ITGB5: variants seen among roughly 807,000 people sequenced by gnomAD.
ITGB5 encodes integrin beta-5.
A neutral mutation model predicts 84.8 loss-of-function variants in ITGB5; 38 were observed. The ratio of observed to expected loss-of-function variants is 0.45; its 90% CI spans 0.35 to 0.59. The LOEUF (loss-of-function observed/expected upper bound fraction) is 0.59. Among genes scored for constraint, ITGB5 ranks in the 20% least tolerant of loss-of-function variants. ITGB5 has a pLI of 0.01. For synonymous variants in ITGB5, 393 were observed against 414.4 expected (o/e 0.95, Z 0.63); for missense variants, 905 against 1,034.5 (o/e 0.87, Z 1.72).
chr3:124,861,533 G>C lies in ITGB5; in HGVS notation c.157-2087C>G, dbSNP rs867673773. 2.2e-3 allele frequency among the ~76,000 whole-genome samples: 147 copies of C among 67,866 alleles called. 2 individuals carry two copies. Among genetic ancestry groups the C allele is most frequent in the African/African-American group, 0.01 (137 of 13,406 alleles). The allele number at this position is 67,866 out of a possible 152,430, so 44.5% of individuals were successfully genotyped here. A position where few individuals can be genotyped will look rare whatever the true frequency, so the allele number is the denominator to read the frequency against. On this transcript the variant is annotated intron_variant, in intron 2 of 14. Transcript: ENST00000296181. ...ACACACACACACACACACACAGAGA[G>C]ATACACATATATATATTATTCTGGC...
At chr3:124,805,981 C>A (rs552742569) in intron 9 of ITGB5, among the ~76,000 whole-genome samples, 163 of 152,278 alleles carry the variant, frequency 1.1e-3, no homozygotes, top group African/African-American at 3.8e-3. Context: ...AGCTCTGCAG[C>A]CTTCCCACAT....
At chr3:124,805,107 TCCTTCCTTTC>T (rs1256748567) in intron 9 of ITGB5, among the ~76,000 whole-genome samples, 11 of 136,166 alleles carry the variant, frequency 8.1e-5, no homozygotes, top group African/African-American at 2.7e-4. Flanking sequence ...TCTCTCTCTC[TCCTTCCTTTC>T]CCTTCCTTTC....
intron 8 of ITGB5, 191 bp from the exon 9 acceptor site, chr3:124,809,347 G>T (rs540525165): frequency 5.1e-6 from 3 of 583,142 alleles, no homozygotes; most frequent in Non-Finnish European, 9.1e-6. Flanking sequence ...ACAACATCTT[G>T]CTAGACCCAG....
At chr3:124,887,871 C>A, upstream of ITGB5, 2 of 241,376 alleles carry the variant, frequency 8.3e-6, no homozygotes, top group South Asian at 3.8e-5. Flanking sequence ...CAAGGGAGGG[C>A]GTGGTGGGGC....
intron 13 of ITGB5, 76 bp downstream of exon 13, chr3:124,766,150 C>T (rs2063764394): frequency 2.7e-6 from 4 of 1,504,220 alleles, no homozygotes; most frequent in South Asian, 2.5e-5. Context: ...GGCAGTGGTC[C>T]CAGAGCAGAG....
intron 2 of ITGB5, among the ~76,000 whole-genome samples, chr3:124,860,739 C>T (rs1159412384): frequency 6.6e-6 from 1 of 152,174 alleles, no homozygotes; most frequent in Non-Finnish European, 1.5e-5. Flanking sequence ...CTTCCTCTTC[C>T]CTCTGGAACA....
chr3:124,896,673 A>G (rs1339543751), intron 1 of ITGB5, among the ~76,000 whole-genome samples: 1 of 148,624 alleles, frequency 6.7e-6, no homozygotes, highest in Admixed American at 6.8e-5. Flanking sequence ...TAAGCCCAGG[A>G]GTTCGAGGTT....
At chr3:124,900,058 A>G (rs1245537640) in intron 1 of ITGB5, among the ~76,000 whole-genome samples, 1 of 152,046 alleles carries the variant, frequency 6.6e-6, no homozygotes, top group South Asian at 2.1e-4. Context: ...TTCATCCACC[A>G]CTCTATTTGC....
chr3:124,821,337 G>A lies in ITGB5; in HGVS notation c.918C>T (p.Asn306=), dbSNP rs149570030. 2.4e-5 allele frequency: 39 copies of A among 1,613,842 alleles called. No homozygotes were observed. The highest frequency in any genetic ancestry group is 1.1e-4 in the East Asian group (5 of 44,884). The change falls in exon 6 of 15, where the codon AAC becomes AAT. Residue 306 remains asparagine (N), a synonymous_variant. Transcript: ENST00000296181. ...CCATCTGGTTGGATGCAGTGTACTC[G>A]TTGGCCTCGTTCAGGTGGCACTGGC... The part of the protein sequence containing the change: ...HDGQCHLNEA[N]EYTASNQMDY...
chr3:124,853,485 T>C (rs148291306), intron 3 of ITGB5, among the ~76,000 whole-genome samples: 4 of 152,336 alleles, frequency 2.6e-5, no homozygotes, highest in African/African-American at 9.6e-5. Flanking sequence ...TCCTCCACAG[T>C]GTCTGCCTCC....
chr3:124,870,292 A>C (rs1481924139), intron 2 of ITGB5, among the ~76,000 whole-genome samples: 3 of 152,254 alleles, frequency 2.0e-5, no homozygotes, highest in East Asian at 3.8e-4. Flanking sequence ...AATACTAAAG[A>C]AGCACAGAGT....
chr3:124,864,982 G>A (rs1215212691), intron 2 of ITGB5, among the ~76,000 whole-genome samples: 1 of 152,152 alleles, frequency 6.6e-6, no homozygotes, highest in African/African-American at 2.4e-5. Context: ...AGTTCATCTG[G>A]CCCTGGCTTC....
chr3:124,795,813 C>A (rs1464429549), intron 10 of ITGB5, among the ~76,000 whole-genome samples: 1 of 152,186 alleles, frequency 6.6e-6, no homozygotes, highest in Non-Finnish European at 1.5e-5. Flanking sequence ...CCTCTAGGAA[C>A]TGGAAAAGGC....
intron 9 of ITGB5, among the ~76,000 whole-genome samples, chr3:124,802,890 G>A (rs915726289): frequency 2.0e-5 from 3 of 151,846 alleles, no homozygotes; most frequent in African/African-American, 7.3e-5. Context: ...GGGGCCATGT[G>A]ACCATGGCCC....
Position 124,809,080 on chromosome 3 carries a change from T to G in ITGB5, c.1205A>C (p.Gln402Pro), listed in dbSNP as rs536114448. 1.2e-4 allele frequency: 194 copies of G among 1,614,148 alleles called. 4 individuals carry two copies. In the South Asian group the frequency reaches 1.8e-3, roughly 15 times the overall value. ...CTGACCAGGATAGGATACCCCATCT[T>G]GGCAGGTAGCAGTAAAGAAGAGATT... ...DLNLFFTATC[Q>P]DGVSYPGQRK... The change falls in exon 9 of 15, where the codon CAA (glutamine) becomes CCA (proline). Residue 402 changes from glutamine (Q) to proline (P), a missense_variant. Physicochemically the swap from Gln to Pro is moderately conservative, Grantham distance 76. Transcript: ENST00000296181.
chr3:124,900,272 T>TTACTAGTTA (rs1295453335), intron 1 of ITGB5, among the ~76,000 whole-genome samples: 1 of 152,234 alleles, frequency 6.6e-6, no homozygotes, highest in African/African-American at 2.4e-5. Context: ...GTTACTTGCC[T>TTACTAGTTA]CTATTTCCCC....
chr3:124,798,063 T>A (rs1283759150), intron 9 of ITGB5, among the ~76,000 whole-genome samples: 1 of 143,496 alleles, frequency 7.0e-6, no homozygotes, highest in African/African-American at 2.7e-5. Flanking sequence ...AGCTTTTTTT[T>A]TTTTTTTTGA....
intron 13 of ITGB5, among the ~76,000 whole-genome samples, chr3:124,764,827 C>T (rs1216310921): frequency 6.6e-6 from 1 of 152,256 alleles, no homozygotes; most frequent in Non-Finnish European, 1.5e-5. Context: ...GCAGCACCCA[C>T]ATCCCGCCTG....
At chr3:124,764,270 G>A in intron 14 of ITGB5, 121 bp downstream of exon 14, 3 of 1,041,350 alleles carry the variant, frequency 2.9e-6, no homozygotes, top group Admixed American at 2.5e-5. Flanking sequence ...CGTTTCTGGT[G>A]TTGATTCTTT....
Sources: gnomAD v4.1 joint callset for allele counts (sites outside exome capture counted in the v4.1 genomes callset) on GRCh38, gnomAD v4.1.1 for gene constraint, MANE v1.5 for transcripts, NCBI Gene and HGNC (gene_info 2026-07-23, HGNC 2026-07-21) for gene names.